The following SLC39A11 variants were observed in gnomAD, a reference collection of about 807,000 sequenced individuals.
SLC39A11 encodes zinc transporter ZIP11.
Under a neutral mutation model 36.1 loss-of-function variants are expected in SLC39A11, and 33 were observed. The observed-to-expected ratio is 0.91, with a 90% CI of 0.69 to 1.22. The LOEUF (loss-of-function observed/expected upper bound fraction) is 1.22. SLC39A11 is among the 50% of genes most tolerant of loss of function. SLC39A11 has a pLI of 0.00. For missense variants in SLC39A11, 432 were observed against 430.3 expected (o/e 1.00, Z -0.03); for synonymous variants, 166 against 170.3 (o/e 0.97, Z 0.20).
At chr17:73,085,126 C>A (rs182930053) in intron 2 of SLC39A11, among the ~76,000 whole-genome samples, 4 of 152,160 alleles carry the variant, frequency 2.6e-5, no homozygotes, top group Non-Finnish European at 5.9e-5. Flanking sequence ...CTGTGAATTA[C>A]AACTGTAAAC....
At chr17:72,837,549 G>A (rs1232359781) in intron 6 of SLC39A11, among the ~76,000 whole-genome samples, 1 of 152,104 alleles carries the variant, frequency 6.6e-6, no homozygotes, top group African/African-American at 2.4e-5. Flanking sequence ...TCTACTCCAA[G>A]GTATGTACCC....
chr17:72,805,976 T>C (rs2077242765), intron 6 of SLC39A11, among the ~76,000 whole-genome samples: 1 of 152,096 alleles, frequency 6.6e-6, no homozygotes, highest in Non-Finnish European at 1.5e-5. Context: ...GGTCTTGAAC[T>C]CCTGACCTCA....
chr17:72,835,059 A>T (rs562439933), intron 6 of SLC39A11, among the ~76,000 whole-genome samples: 13 of 152,258 alleles, frequency 8.5e-5, no homozygotes, highest in Non-Finnish European at 1.6e-4. Context: ...GCCAACTCTC[A>T]TGCTCAAATC....
intron 6 of SLC39A11, among the ~76,000 whole-genome samples, chr17:72,825,747 T>A (rs2078004333): frequency 6.6e-6 from 1 of 152,250 alleles, no homozygotes; most frequent in Non-Finnish European, 1.5e-5. Flanking sequence ...GAGATTATTT[T>A]GGAGCTTTAA....
intron 3 of SLC39A11, among the ~76,000 whole-genome samples, chr17:73,068,941 C>G (rs1160606995): frequency 1.3e-5 from 2 of 152,138 alleles, no homozygotes; most frequent in African/African-American, 2.4e-5. Context: ...CCCCATCAAC[C>G]TAGAGAACAG....
intron 4 of SLC39A11, among the ~76,000 whole-genome samples, chr17:72,958,451 C>T (rs1418556917): frequency 7.2e-5 from 11 of 152,224 alleles, no homozygotes. Context: ...ACAATCTATA[C>T]ATCTGACAAA....
At chr17:72,947,647 G>C (rs1398723027) in intron 5 of SLC39A11, 105 bp downstream of exon 5, 1 of 1,528,298 alleles carries the variant, frequency 6.5e-7, no homozygotes, top group African/African-American at 1.4e-5. Context: ...GACAGTGCTG[G>C]CATTTCTCTC....
At chr17:72,760,138 T>C (rs1435199838) in intron 6 of SLC39A11, among the ~76,000 whole-genome samples, 1 of 152,216 alleles carries the variant, frequency 6.6e-6, no homozygotes, top group Non-Finnish European at 1.5e-5. Flanking sequence ...GTGATTCTCG[T>C]GCCTCAGCCT....
intron 4 of SLC39A11, among the ~76,000 whole-genome samples, chr17:72,964,095 T>A (rs1343221077): frequency 6.6e-6 from 1 of 152,044 alleles, no homozygotes; most frequent in Non-Finnish European, 1.5e-5. Flanking sequence ...CGAGTTTTCC[T>A]CGTACGATGC....
chr17:73,013,851 AGAG>A (rs2090661774), intron 4 of SLC39A11, among the ~76,000 whole-genome samples: 1 of 152,176 alleles, frequency 6.6e-6, no homozygotes, highest in Non-Finnish European at 1.5e-5. Flanking sequence ...GCAGGGCATC[AGAG>A]GAGATGAGGA....
chr17:72,655,900 C>T (rs758530688), intron 7 of SLC39A11, among the ~76,000 whole-genome samples: 5 of 152,096 alleles, frequency 3.3e-5, no homozygotes, highest in Non-Finnish European at 5.9e-5. Flanking sequence ...CCTAGACTGG[C>T]TGGAGGATGG....
chr17:72,956,170 G>C (rs1034457497), intron 4 of SLC39A11, among the ~76,000 whole-genome samples: 1 of 152,112 alleles, frequency 6.6e-6, no homozygotes, highest in African/African-American at 2.4e-5. Flanking sequence ...ACCTTAACAT[G>C]AAACTTCACA....
intron 5 of SLC39A11, among the ~76,000 whole-genome samples, chr17:72,907,876 C>T (rs755081476): frequency 2.0e-5 from 3 of 152,142 alleles, no homozygotes; most frequent in African/African-American, 7.2e-5. Context: ...GTCACCAAAG[C>T]GGGGCGTAGG....
At chr17:73,044,834 G>A (rs889044923) in intron 3 of SLC39A11, among the ~76,000 whole-genome samples, 17 of 146,280 alleles carry the variant, frequency 1.2e-4, no homozygotes, top group African/African-American at 4.1e-4. Context: ...CCAAAATCAC[G>A]CCACTGCACT....
At chr17:72,879,261 G>C (rs1049174191) in intron 5 of SLC39A11, among the ~76,000 whole-genome samples, 14 of 152,178 alleles carry the variant, frequency 9.2e-5, no homozygotes, top group Non-Finnish European at 1.6e-4. Context: ...GAGATTGAAA[G>C]TCCCAACCTT....
At chr17:72,849,588 C>A (rs369931536) in intron 6 of SLC39A11, 46 bp downstream of exon 6, 64 of 1,451,956 alleles carry the variant, frequency 4.4e-5, no homozygotes, top group Middle Eastern at 3.9e-4. Flanking sequence ...TGACAAATGA[C>A]TTTACCTTCA....
At chr17:73,052,113 C>T (rs1248125986) in intron 3 of SLC39A11, among the ~76,000 whole-genome samples, 1 of 151,784 alleles carries the variant, frequency 6.6e-6, no homozygotes, top group Admixed American at 6.6e-5. Context: ...ACAAGGTGCC[C>T]CGTTTTTTAC....
intron 6 of SLC39A11, among the ~76,000 whole-genome samples, chr17:72,771,677 A>T (rs992543493): frequency 4.6e-5 from 7 of 152,236 alleles, no homozygotes; most frequent in African/African-American, 1.7e-4. Context: ...ACTGTGCGGT[A>T]ATGTGCTCAT....
intron 6 of SLC39A11, among the ~76,000 whole-genome samples, chr17:72,765,828 G>A (rs983173672): frequency 2.6e-5 from 4 of 152,146 alleles, no homozygotes; most frequent in African/African-American, 4.8e-5. Context: ...AGAAAGGACC[G>A]TCTGACTTAT....
Sources: gnomAD v4.1 joint callset for allele counts (sites outside exome capture counted in the v4.1 genomes callset) on GRCh38, gnomAD v4.1.1 for gene constraint, MANE v1.5 for transcripts, NCBI Gene and HGNC (gene_info 2026-07-23, HGNC 2026-07-21) for gene names.